Variants in SFXN5 observed in about 807,000 individuals in gnomAD.
SFXN5 encodes the protein sideroflexin-5.
Under a neutral mutation model 50.2 loss-of-function variants are expected in SFXN5, and 43 were observed. The observed-to-expected ratio is 0.86, with a 90% confidence interval of 0.67 to 1.11. The LOEUF (loss-of-function observed/expected upper bound fraction) is 1.11. Ranked by LOEUF, SFXN5 falls within the 50% of genes least tolerant of loss-of-function variation. The pLI, the probability that SFXN5 is intolerant of heterozygous loss-of-function variation, is 0.00. For synonymous variants in SFXN5, 203 were observed against 185.8 expected, an observed-to-expected ratio of 1.09 and a Z score of -0.75; for missense variants, 463 against 454.1, an observed-to-expected ratio of 1.02 and a Z score of -0.18.
intron 5 of SFXN5, among the ~76,000 whole-genome samples, chr2:73,021,285 C>A (rs760324887): frequency 3.9e-5 from 6 of 152,110 alleles, no homozygotes; most frequent in Admixed American, 2.0e-4. Context: ...GAGTTCTAGA[C>A]CAGCCTGGCC....
At chr2:72,967,058 A>G (rs1305940440) in intron 12 of SFXN5, among the ~76,000 whole-genome samples, 1 of 152,214 alleles carries the variant, frequency 6.6e-6, no homozygotes, top group Non-Finnish European at 1.5e-5. Flanking sequence ...CGCACTCCTG[A>G]GCCACCGCTG....
chr2:73,050,392 GCACA>G (rs35090808), intron 2 of SFXN5, among the ~76,000 whole-genome samples: 162 of 145,946 alleles, frequency 1.1e-3, no homozygotes, highest in Non-Finnish European at 1.7e-3. Flanking sequence ...CACAGCGCAC[GCACA>G]CACACACACA....
chr2:72,970,693 G>GT (rs796392631), intron 11 of SFXN5, among the ~76,000 whole-genome samples: 247 of 145,140 alleles, frequency 1.7e-3, no homozygotes, highest in Middle Eastern at 3.7e-3. Flanking sequence ...CATGGACTGC[G>GT]TTTTTTTTTT....
At chr2:73,021,252 G>A (rs1676850575) in intron 5 of SFXN5, among the ~76,000 whole-genome samples, 1 of 152,188 alleles carries the variant, frequency 6.6e-6, no homozygotes, top group South Asian at 2.1e-4. Context: ...GGAGGCCAAA[G>A]CAGGCGGATC....
intron 6 of SFXN5, among the ~76,000 whole-genome samples, chr2:73,002,709 C>G (rs570938251): frequency 6.6e-6 from 1 of 152,154 alleles, no homozygotes; most frequent in Non-Finnish European, 1.5e-5. Flanking sequence ...TTTATTGGCT[C>G]ATATCAGTTT....
chr2:73,068,297 G>A (rs1683316384), intron 1 of SFXN5, among the ~76,000 whole-genome samples: 3 of 152,212 alleles, frequency 2.0e-5, no homozygotes, highest in Admixed American at 6.5e-5. Flanking sequence ...TGTCAGGCCA[G>A]CACAAGGTAC....
intron 6 of SFXN5, among the ~76,000 whole-genome samples, chr2:73,018,289 GAA>G (rs759225272): frequency 4.6e-5 from 7 of 151,932 alleles, no homozygotes; most frequent in Non-Finnish European, 8.8e-5. Flanking sequence ...AAAAAAAAGA[GAA>G]AGAGAAAAGA....
intron 12 of SFXN5, among the ~76,000 whole-genome samples, chr2:72,962,946 C>G (rs1420392790): frequency 6.6e-6 from 1 of 152,212 alleles, no homozygotes; most frequent in Non-Finnish European, 1.5e-5. Flanking sequence ...CAATCCCCAT[C>G]CAGCACCCCC....
intron 6 of SFXN5, among the ~76,000 whole-genome samples, chr2:73,007,152 A>C (rs1011462428): frequency 6.6e-6 from 1 of 152,218 alleles, no homozygotes; most frequent in Admixed American, 6.5e-5. Flanking sequence ...CCACTGCCAC[A>C]GTTCTGTGTA....
In SFXN5 at chr2:72,944,114, C is replaced by T. The variant is rs1014763002; in HGVS notation, c.*908G>A. ...AGAAGCTCCGCAGAAGGCAGCCAGC[C>T]CAGTCTAGCCCCACTCTCAGCCCCA... On this transcript the variant is annotated 3_prime_UTR_variant, in exon 14 of 14. Coordinates refer to ENST00000272433, the MANE Select transcript of SFXN5 (RefSeq NM_144579.3). 1 of 152,242 alleles carries T rather than the reference C, an allele frequency of 6.6e-6. No individual in the cohort carries two copies. 9.4% of individuals were successfully genotyped at this position (152,242 alleles called of 1,614,324 possible). A position where few individuals can be genotyped will look rare whatever the true frequency, so the allele number is the denominator to read the frequency against.
In SFXN5 at chr2:72,988,348, C is replaced by A. The variant is rs1672158890; in HGVS notation, c.535G>T (p.Val179Leu). Residue 179 changes from valine to leucine, a missense_variant and splice_region_variant, in exon 10 of 14, where the codon GTG (valine) becomes TTG (leucine). Transcript: ENST00000272433. ...GAVISAVSIA[V>L]GLNVLVQKAN... ...TTCTGAACCAGGACATTAAGGCCCA[C>A]CTTTGAAAGAAAAAAATAAAAACAC... 6.2e-7 allele frequency: 1 copy of A among 1,613,386 alleles called. No homozygotes were observed. Among genetic ancestry groups the A allele is most frequent in the Non-Finnish European group, 8.5e-7 (1 of 1,179,634 alleles).
Position 73,000,383 on chromosome 2 carries a change from C to T in SFXN5, c.468+48G>A, listed in dbSNP as rs573966519. ...TCACGCTGTAGGGAGGATGACTGGG[C>T]CTCCCTAGCCTGAACCCCACCACTG... On this transcript the variant is annotated intron_variant, in intron 8 of 13. Transcript: ENST00000272433. The T allele has an allele frequency of 3.9e-6, 6 of 1,534,068 alleles. No individual in the cohort carries two copies. In the African/African-American group the frequency reaches 5.5e-5, roughly 14 times the overall value.
intron 8 of SFXN5, 63 bp from the exon 9 acceptor site, chr2:72,999,077 T>C: frequency 6.4e-7 from 1 of 1,557,830 alleles, no homozygotes; most frequent in Non-Finnish European, 8.8e-7. Context: ...CTTCCCCTTG[T>C]AAGCTGTCCC....
chr2:72,949,940 G>T (rs1156843605), intron 13 of SFXN5, among the ~76,000 whole-genome samples: 1 of 152,116 alleles, frequency 6.6e-6, no homozygotes, highest in Non-Finnish European at 1.5e-5. Flanking sequence ...CAGGGTTGGG[G>T]GTGGTAGGCT....
intron 6 of SFXN5, among the ~76,000 whole-genome samples, chr2:73,005,855 G>C (rs574297693): frequency 6.6e-6 from 1 of 151,534 alleles, no homozygotes; most frequent in East Asian, 1.9e-4. Context: ...TATTGGCCAG[G>C]GAAAGATCTC....
At chr2:73,047,253 T>TATATATATATATATATACACACACAC (rs1559199640) in intron 2 of SFXN5, among the ~76,000 whole-genome samples, 1 of 45,128 alleles carries the variant, frequency 2.2e-5, no homozygotes, top group Non-Finnish European at 4.2e-5. Context: ...AAAATATATA[T>TATATATATATATATATACACACACAC]ATATATATAT....
Position 72,953,950 on chromosome 2 carries a change from G to T in SFXN5, c.945+7181C>A, listed in dbSNP as rs933762534. Reference sequence around the variant, plus strand: ...GTGGAGGTTCTGGTACCCACTGAGGGTACCCACATTTTTGCCCATACAGGG... The same window carrying T: ...GTGGAGGTTCTGGTACCCACTGAGGTTACCCACATTTTTGCCCATACAGGG... On this transcript the variant is annotated intron_variant, in intron 13 of 13. Coordinates refer to ENST00000272433, the MANE Select transcript of SFXN5 (RefSeq NM_144579.3). This position sits in a 1 kb window ranked among gnomAD's most constrained non-coding sequence, Gnocchi z 4.1. 1.3e-5 allele frequency among the ~76,000 whole-genome samples: 2 copies of T among 152,134 alleles called. No homozygotes were observed. Among genetic ancestry groups the T allele is most frequent in the Non-Finnish European group, 2.9e-5 (2 of 68,032 alleles).
chr2:72,971,813 G>C, intron 10 of SFXN5, 128 bp from the exon 11 acceptor site: 1 of 672,248 alleles, frequency 1.5e-6, no homozygotes, highest in Non-Finnish European at 2.6e-6. Context: ...CAAAGGTTAG[G>C]GAAGGGGTGG....
chr2:73,022,349 G>T (rs1421749564), intron 5 of SFXN5, among the ~76,000 whole-genome samples, 173 bp downstream of exon 5: 1 of 152,164 alleles, frequency 6.6e-6, no homozygotes, highest in Non-Finnish European at 1.5e-5. Flanking sequence ...GTATTCTGAG[G>T]CCTGGCCAGC....
Sources: gnomAD v4.1 joint callset for allele counts (sites outside exome capture counted in the v4.1 genomes callset) on GRCh38, gnomAD v4.1.1 for gene constraint, Gnocchi (gnomAD v3.1) non-coding constraint, MANE v1.5 for transcripts, NCBI Gene and HGNC (gene_info 2026-07-23, HGNC 2026-07-21) for gene names.